PARPBP: variants seen among roughly 807,000 people sequenced by gnomAD.
PARPBP encodes PCNA-interacting partner.
A neutral mutation model predicts 50.0 loss-of-function variants in PARPBP; 52 were observed. That is an observed-to-expected ratio of 1.04 (90% CI 0.83 to 1.31). The LOEUF (loss-of-function observed/expected upper bound fraction) is 1.31. Ranked by LOEUF, PARPBP falls within the 50% of genes most tolerant of loss-of-function variation. PARPBP has a pLI of 0.00. For synonymous variants in PARPBP, 244 were observed against 232.1 expected (o/e 1.05, Z -0.47); for missense variants, 697 against 672.0 (o/e 1.04, Z -0.41).
At chr12:102,165,288 C>T (rs1888025597) in intron 5 of PARPBP, among the ~76,000 whole-genome samples, 3 of 152,132 alleles carry the variant, frequency 2.0e-5, no homozygotes, top group Admixed American at 2.0e-4. Context: ...AATAGAGAGG[C>T]TGAGGTTTGG....
chr12:102,189,543 A>T (rs1890610603), intron 9 of PARPBP, among the ~76,000 whole-genome samples: 1 of 152,218 alleles, frequency 6.6e-6, no homozygotes, highest in Admixed American at 6.5e-5. Flanking sequence ...GTTCTAATGG[A>T]TTAAAGATAC....
chr12:102,150,031 C>G (rs1885977288), intron 3 of PARPBP, among the ~76,000 whole-genome samples: 1 of 151,968 alleles, frequency 6.6e-6, no homozygotes, highest in Non-Finnish European at 1.5e-5. Context: ...TATTCCTCGC[C>G]CTTGTCTAAG....
chr12:102,195,608 A>T (rs1430383035), intron 10 of PARPBP, among the ~76,000 whole-genome samples, 161 bp downstream of exon 10: 2 of 151,754 alleles, frequency 1.3e-5, no homozygotes, highest in African/African-American at 4.8e-5. Flanking sequence ...TCTAAGTACA[A>T]ATTTATCGAT....
intron 9 of PARPBP, among the ~76,000 whole-genome samples, chr12:102,192,403 C>T (rs906429375): frequency 3.3e-5 from 5 of 152,014 alleles, no homozygotes; most frequent in East Asian, 1.9e-4. Context: ...GTAAGTAATA[C>T]GGCCAGCATT....
intron 3 of PARPBP, 86 bp downstream of exon 3, chr12:102,148,549 A>C: frequency 1.8e-6 from 1 of 563,524 alleles, no homozygotes; most frequent in Admixed American, 3.3e-5. Context: ...AGTTATAGTA[A>C]CTTGGTAATG....
intron 2 of PARPBP, among the ~76,000 whole-genome samples, chr12:102,140,717 A>C (rs1884445693): frequency 6.6e-6 from 1 of 152,084 alleles, no homozygotes; most frequent in African/African-American, 2.4e-5. Flanking sequence ...GAACATCTTT[A>C]TTTCTGCCTT....
At chr12:102,131,742 C>A (rs1882886259) in intron 2 of PARPBP, among the ~76,000 whole-genome samples, 1 of 152,116 alleles carries the variant, frequency 6.6e-6, no homozygotes, top group Admixed American at 6.5e-5. Context: ...GAACAGAAAA[C>A]CAGATACCAC....
intron 6 of PARPBP, among the ~76,000 whole-genome samples, 199 bp downstream of exon 6, chr12:102,166,082 A>T (rs977596831): frequency 6.6e-6 from 1 of 152,156 alleles, no homozygotes; most frequent in African/African-American, 2.4e-5. Flanking sequence ...TTTTGGCCAA[A>T]GTCAAAAGTC....
rs759195789 is a variant in PARPBP at position 102,148,275 on chromosome 12, T to C, written c.199T>C (p.Trp67Arg). Residue 67 changes from tryptophan to arginine, a missense_variant, in exon 3 of 11, where the codon TGG (tryptophan) becomes CGG (arginine). By Grantham distance (101) the Trp-to-Arg change is moderately radical. Coordinates refer to ENST00000327680, the MANE Select transcript of PARPBP (RefSeq NM_017915.5). ...CTCTCTCAGTGATGTTTTATTGACATGGAAATACTTGCTCCATGAGAAATT... is the reference window on the plus strand; with the variant it reads ...CTCTCTCAGTGATGTTTTATTGACACGGAAATACTTGCTCCATGAGAAATT... ...TVSLSDVLLT[W>R]KYLLHEKLNL... 1 of 1,605,730 alleles carries C rather than the reference T, an allele frequency of 6.2e-7. No homozygotes were observed. The highest frequency in any genetic ancestry group is 8.5e-7 in the Non-Finnish European group (1 of 1,174,574).
At chr12:102,138,658 T>A (rs1594472620) in intron 2 of PARPBP, among the ~76,000 whole-genome samples, 3 of 152,334 alleles carry the variant, frequency 2.0e-5, no homozygotes, top group African/African-American at 7.2e-5. Flanking sequence ...TTGAATTAAT[T>A]TTTGTATAAG....
At chr12:102,126,350 G>A (rs968738757) in intron 2 of PARPBP, among the ~76,000 whole-genome samples, 2 of 152,104 alleles carry the variant, frequency 1.3e-5, no homozygotes, top group African/African-American at 4.8e-5. Context: ...TTGACCTTTT[G>A]TAGTTTCTCT....
intron 9 of PARPBP, among the ~76,000 whole-genome samples, chr12:102,184,208 A>G (rs1890107906): frequency 6.6e-6 from 1 of 151,774 alleles, no homozygotes; most frequent in Non-Finnish European, 1.5e-5. Context: ...TTGTGGGTAC[A>G]TAGTAGGTGT....
intron 2 of PARPBP, among the ~76,000 whole-genome samples, chr12:102,137,833 C>A (rs975582795): frequency 6.6e-6 from 1 of 152,194 alleles, no homozygotes; most frequent in Non-Finnish European, 1.5e-5. Context: ...AGGACATGAA[C>A]TCATCCTTTT....
intron 2 of PARPBP, among the ~76,000 whole-genome samples, chr12:102,140,737 A>G (rs558937974): frequency 6.6e-6 from 1 of 152,266 alleles, no homozygotes; most frequent in Admixed American, 6.5e-5. Context: ...TCATTTTGTT[A>G]TGTACCAGTA....
chr12:102,168,372 T>C (rs1450726081), intron 6 of PARPBP, among the ~76,000 whole-genome samples: 1 of 152,114 alleles, frequency 6.6e-6, no homozygotes, highest in Non-Finnish European at 1.5e-5. Flanking sequence ...GGATATTCCA[T>C]GTGGTTATAA....
rs921870385 is a variant in PARPBP, at chr12:102,178,773, A to C, written c.1184+3A>C. On this transcript the variant is annotated splice_donor_region_variant and intron_variant, in intron 8 of 10. Transcript: ENST00000327680. ...ACGTCTATTCTTACACTTTTTAGGT[A>C]AGTTATGTGGAAGTTATATGTGTTA... 1 of 1,579,244 alleles carries C rather than the reference A, an allele frequency of 6.3e-7. No homozygotes were observed. Among genetic ancestry groups the C allele is most frequent in the African/African-American group, 1.4e-5 (1 of 73,774 alleles).
At chr12:102,151,157 C>A (rs1565873514) in intron 3 of PARPBP, among the ~76,000 whole-genome samples, 1 of 152,132 alleles carries the variant, frequency 6.6e-6, no homozygotes, top group Non-Finnish European at 1.5e-5. Flanking sequence ...GGGGGAATGA[C>A]AGCAACTTGA....
intron 5 of PARPBP, 55 bp from the exon 6 acceptor site, chr12:102,165,674 A>AGCTTT: frequency 3.7e-6 from 5 of 1,365,014 alleles, no homozygotes; most frequent in Non-Finnish European, 5.1e-6. Context: ...TTATGAAGTA[A>AGCTTT]ATTACAGTTT....
chr12:102,128,837 A>G (rs1309346889), intron 2 of PARPBP, among the ~76,000 whole-genome samples: 2 of 152,192 alleles, frequency 1.3e-5, no homozygotes, highest in Non-Finnish European at 2.9e-5. Flanking sequence ...TTGGATATAT[A>G]CCCAGTATTG....
Sources: allele counts gnomAD v4.1 joint callset (sites outside exome capture counted in the v4.1 genomes callset), GRCh38; gene constraint gnomAD v4.1.1; transcripts MANE v1.5; gene names NCBI Gene and HGNC (gene_info 2026-07-23, HGNC 2026-07-21).